Variants in FYN observed in about 807,000 individuals in gnomAD.
The protein encoded by FYN is tyrosine-protein kinase Fyn.
FYN carries 10 observed loss-of-function variants against 70.2 expected under a neutral mutation model. The observed-to-expected ratio is 0.14, with a 90% CI of 0.09 to 0.24. FYN has a LOEUF of 0.24. Ranked by LOEUF, FYN falls within the 10% of genes least tolerant of loss-of-function variation. The probability of loss-of-function intolerance (pLI) is 1.00; values close to 1 mark genes in which losing one functional copy is unlikely to be tolerated. For synonymous variants in FYN, 236 were observed against 248.6 expected (o/e 0.95, Z 0.48); for missense variants, 319 against 673.1 (o/e 0.47, Z 5.82).
At chr6:111,781,364 A>G (rs1034320031) in intron 2 of FYN, among the ~76,000 whole-genome samples, 1 of 152,030 alleles carries the variant, frequency 6.6e-6, no homozygotes, top group African/African-American at 2.4e-5. Context: ...GTTACACTCC[A>G]TCTGGTCAGC....
At chr6:111,738,337 T>C (rs995944502) in intron 3 of FYN, among the ~76,000 whole-genome samples, 5 of 152,196 alleles carry the variant, frequency 3.3e-5, no homozygotes, top group African/African-American at 4.8e-5. Context: ...GCACTTTTTA[T>C]AGGTCCACTG....
intron 2 of FYN, among the ~76,000 whole-genome samples, chr6:111,846,170 C>T (rs1158200108): frequency 3.9e-5 from 6 of 152,158 alleles, no homozygotes; most frequent in Admixed American, 3.9e-4. Flanking sequence ...TGAGCAGCAG[C>T]CATCTGAGAG....
intron 9 of FYN, among the ~76,000 whole-genome samples, chr6:111,697,083 GCCACAAGAACAATGGCTT>G (rs1799607607): frequency 6.6e-6 from 1 of 152,162 alleles, no homozygotes; most frequent in Non-Finnish European, 1.5e-5. Flanking sequence ...CTGATGGCTA[GCCACAAGAACAATGGCTT>G]CTGTCAGGTA....
intron 3 of FYN, among the ~76,000 whole-genome samples, chr6:111,757,493 A>G (rs1017174894): frequency 1.3e-5 from 2 of 152,190 alleles, no homozygotes; most frequent in African/African-American, 4.8e-5. Context: ...ATTCACTGGA[A>G]AGACACATAA....
chr6:111,871,897 G>A (rs1349222903), intron 1 of FYN, among the ~76,000 whole-genome samples: 1 of 152,196 alleles, frequency 6.6e-6, no homozygotes, highest in Non-Finnish European at 1.5e-5. Flanking sequence ...CCTGCCACCC[G>A]GCATCCGGGG....
chr6:111,715,245 C>CT (rs11405453), intron 4 of FYN, among the ~76,000 whole-genome samples: 18,501 of 147,014 alleles, frequency 0.13, 2,081 homozygotes, highest in African/African-American at 0.31. Context: ...AGGCATAATT[C>CT]TTTTTTTTTT....
intron 9 of FYN, chr6:111,696,959 T>A (rs1799602611): frequency 6.6e-6 from 1 of 152,300 alleles, no homozygotes; most frequent in South Asian, 2.1e-4. Flanking sequence ...AATGGACAAG[T>A]TACTTGACTG....
At chr6:111,852,543 TA>T (rs1409358432) in intron 1 of FYN, among the ~76,000 whole-genome samples, 1 of 152,200 alleles carries the variant, frequency 6.6e-6, no homozygotes, top group Admixed American at 6.5e-5. Flanking sequence ...TTAAGATAGA[TA>T]AACTTACAAA....
intron 10 of FYN, among the ~76,000 whole-genome samples, chr6:111,695,745 T>C (rs1799545203): frequency 6.6e-6 from 1 of 152,178 alleles, no homozygotes; most frequent in Admixed American, 6.5e-5. Flanking sequence ...GCTGGTTTGA[T>C]TAGGAAGACA....
intron 1 of FYN, among the ~76,000 whole-genome samples, chr6:111,857,303 A>ACTTT (rs1216450869): frequency 2.0e-5 from 3 of 152,216 alleles, no homozygotes; most frequent in Non-Finnish European, 4.4e-5. Context: ...AAATTCTAAT[A>ACTTT]CTTTCCACTG....
chr6:111,810,500 A>T (rs1204246851), intron 2 of FYN, among the ~76,000 whole-genome samples: 1 of 152,184 alleles, frequency 6.6e-6, no homozygotes, highest in East Asian at 1.9e-4. Context: ...AATCTCTTAG[A>T]TGTTTTAGTT....
chr6:111,821,356 C>A (rs1002390066), intron 2 of FYN, among the ~76,000 whole-genome samples: 9 of 152,086 alleles, frequency 5.9e-5, no homozygotes, highest in Admixed American at 3.3e-4. Context: ...TGATCTTTGA[C>A]AAACCTGACA....
At chr6:111,855,292 T>C (rs1289933189) in intron 1 of FYN, among the ~76,000 whole-genome samples, 1 of 152,174 alleles carries the variant, frequency 6.6e-6, no homozygotes, top group East Asian at 1.9e-4. Context: ...CTACTGTAAA[T>C]TGTAAAAAGC....
chr6:111,720,401 C>T (rs1291045647), intron 3 of FYN, among the ~76,000 whole-genome samples: 1 of 152,110 alleles, frequency 6.6e-6, no homozygotes, highest in Non-Finnish European at 1.5e-5. Flanking sequence ...ACCAATTCTG[C>T]CTTTAGCCAT....
chr6:111,733,002 T>C (rs1028405640), intron 3 of FYN, among the ~76,000 whole-genome samples: 1 of 152,124 alleles, frequency 6.6e-6, no homozygotes, highest in Non-Finnish European at 1.5e-5. Context: ...GTGGGATCTT[T>C]GTTATAACAG....
chr6:111,675,339 G>GTC (rs1169990038), intron 12 of FYN, among the ~76,000 whole-genome samples: 1 of 152,124 alleles, frequency 6.6e-6, no homozygotes, highest in African/African-American at 2.4e-5. Context: ...TGTCTTATGA[G>GTC]TCTCTGACTT....
chr6:111,736,204 C>A (rs1057273816), intron 3 of FYN, among the ~76,000 whole-genome samples: 1 of 152,202 alleles, frequency 6.6e-6, no homozygotes, highest in African/African-American at 2.4e-5. Flanking sequence ...CCACTGTTCT[C>A]CTCCAGCTGT....
At chr6:111,862,482 C>T (rs147711190) in intron 1 of FYN, among the ~76,000 whole-genome samples, 5 of 152,224 alleles carry the variant, frequency 3.3e-5, no homozygotes, top group East Asian at 3.9e-4. Flanking sequence ...AGCCTCATAG[C>T]GCAGATGCCC....
chr6:111,765,551 C>T (rs1803197171), intron 3 of FYN, among the ~76,000 whole-genome samples: 1 of 152,196 alleles, frequency 6.6e-6, no homozygotes, highest in African/African-American at 2.4e-5. Context: ...GGCCTTTCCC[C>T]TGACATAAAT....
Sources: gnomAD v4.1 joint callset for allele counts (sites outside exome capture counted in the v4.1 genomes callset) on GRCh38, gnomAD v4.1.1 for gene constraint, MANE v1.5 for transcripts, NCBI Gene and HGNC (gene_info 2026-07-23, HGNC 2026-07-21) for gene names.